The following GRID2 variants were observed in gnomAD, a reference collection of about 807,000 sequenced individuals.
GRID2 encodes glutamate ionotropic receptor delta type subunit 2, also known as glutamate receptor ionotropic, delta-2.
A neutral mutation model predicts 114.8 loss-of-function variants in GRID2; 33 were observed. The observed-to-expected ratio is 0.29, with a 90% CI of 0.22 to 0.38. The LOEUF (loss-of-function observed/expected upper bound fraction) is 0.38. Among genes scored for constraint, GRID2 ranks in the 10% least tolerant of loss-of-function variants. GRID2 has a pLI of 1.00. For missense variants in GRID2, 1,184 were observed against 1,257.7 expected, an observed-to-expected ratio of 0.94 and a Z score of 0.89; for synonymous variants, 505 against 449.9, an observed-to-expected ratio of 1.12 and a Z score of -1.55.
At chr4:92,963,679 A>G (rs1752960474) in intron 2 of GRID2, among the ~76,000 whole-genome samples, 1 of 151,968 alleles carries the variant, frequency 6.6e-6, no homozygotes, top group African/African-American at 2.4e-5. Context: ...ACTTCTGCTC[A>G]TGTTGATTAT....
At chr4:93,137,056 A>G (rs781645487) in intron 4 of GRID2, among the ~76,000 whole-genome samples, 3 of 152,198 alleles carry the variant, frequency 2.0e-5, no homozygotes, top group Non-Finnish European at 4.4e-5. Flanking sequence ...CAAAATATAT[A>G]ATTGTTTAAA....
At chr4:93,055,300 G>A (rs1200513904) in intron 2 of GRID2, among the ~76,000 whole-genome samples, 3 of 151,770 alleles carry the variant, frequency 2.0e-5, no homozygotes, top group Non-Finnish European at 4.4e-5. Flanking sequence ...TGATGAGGTT[G>A]CTAGGTTGAC....
At chr4:93,407,816 CCTCCTCCTT>C (rs1187491434) in intron 9 of GRID2, among the ~76,000 whole-genome samples, 5 of 129,684 alleles carry the variant, frequency 3.9e-5, no homozygotes, top group African/African-American at 1.7e-4. Context: ...TCCTCTTCCT[CCTCCTCCTT>C]CTCCTCCTCC....
At position 92,483,037 on chromosome 4, in the gene GRID2, G is replaced by C. The variant is rs558861969; in HGVS notation, c.89-107094G>C. On this transcript the variant is annotated intron_variant, in intron 1 of 15. Coordinates refer to ENST00000282020, the MANE Select transcript of GRID2 (RefSeq NM_001510.4). ...ACAAACTTGTTGTTCAACTGACATA[G>C]TTGGTCAAAAGTACAAGCTTGGCTG... Among the ~76,000 whole-genome samples, 9 of 152,194 alleles carry C rather than the reference G, an allele frequency of 5.9e-5. No homozygotes were observed. The South Asian group carries it at 1.9e-3, about 32-fold the overall frequency.
At chr4:93,013,907 G>T (rs996995913) in intron 2 of GRID2, among the ~76,000 whole-genome samples, 1 of 151,846 alleles carries the variant, frequency 6.6e-6, no homozygotes, top group African/African-American at 2.4e-5. Context: ...GAAAGAAGTG[G>T]AAGGGAGAAA....
chr4:93,683,536 A>T (rs1303241742), intron 14 of GRID2, among the ~76,000 whole-genome samples: 3 of 152,084 alleles, frequency 2.0e-5, no homozygotes, highest in Admixed American at 2.0e-4. Flanking sequence ...AGAGATTCTG[A>T]GTCGTAAAGT....
chr4:93,099,479 C>T (rs542355195), intron 3 of GRID2, among the ~76,000 whole-genome samples: 8 of 151,768 alleles, frequency 5.3e-5, no homozygotes, highest in African/African-American at 1.4e-4. Context: ...ATTTGTTAAA[C>T]TAATTTTGAA....
chr4:92,453,453 T>TATATGTATTCATATACATATATGC (rs1721052041), intron 1 of GRID2, among the ~76,000 whole-genome samples: 1 of 152,178 alleles, frequency 6.6e-6, no homozygotes, highest in African/African-American at 2.4e-5. Flanking sequence ...TTCACATATG[T>TATATGTATTCATATACATATATGC]ATATGTATTC....
intron 2 of GRID2, among the ~76,000 whole-genome samples, chr4:92,855,224 G>A (rs1247072153): frequency 6.6e-6 from 1 of 152,014 alleles, no homozygotes; most frequent in Non-Finnish European, 1.5e-5. Context: ...TTAATGAGCT[G>A]TGTCCTACTT....
In GRID2 at chr4:93,772,661, C is replaced by G. The variant is rs1425779534; in HGVS notation, c.*163C>G. The G allele has an allele frequency of 3.6e-6, 2 of 557,746 alleles. No homozygotes were observed. Among genetic ancestry groups the G allele is most frequent in the East Asian group, 2.9e-5 (1 of 34,430 alleles). 34.5% of individuals were successfully genotyped at this position (557,746 alleles called of 1,614,324 possible). On this transcript the variant is annotated 3_prime_UTR_variant, in exon 16 of 16. Transcript: ENST00000282020. ...CCACCTTCTCCCTCTCCTCTCTCCT[C>G]TATGATTTTCTCTCTTTCCCCCTCC...
chr4:93,292,069 A>G (rs17020337), intron 8 of GRID2, among the ~76,000 whole-genome samples: 7,631 of 152,290 alleles, frequency 0.05, 633 homozygotes, highest in African/African-American at 0.17. Flanking sequence ...CACTTATTCC[A>G]CAAGATGCTG....
intron 9 of GRID2, among the ~76,000 whole-genome samples, chr4:93,398,131 G>GTGTGTGTGTGTGTA (rs1270798969): frequency 1.5e-4 from 17 of 111,584 alleles, no homozygotes; most frequent in Middle Eastern, 4.3e-3. Context: ...GTATGTGTGT[G>GTGTGTGTGTGTGTA]TGTATATATA....
At chr4:93,072,523 T>C (rs982911335) in intron 2 of GRID2, among the ~76,000 whole-genome samples, 5 of 152,142 alleles carry the variant, frequency 3.3e-5, no homozygotes, top group Non-Finnish European at 5.9e-5. Context: ...TGAGTGGAAC[T>C]ATGGCTGCAG....
chr4:93,741,595 G>A (rs1450979437), intron 14 of GRID2, among the ~76,000 whole-genome samples: 1 of 152,050 alleles, frequency 6.6e-6, no homozygotes, highest in African/African-American at 2.4e-5. Flanking sequence ...TTTTTAACAA[G>A]CAAATTAAAC....
chr4:93,237,231 T>C (rs77120274), intron 7 of GRID2, among the ~76,000 whole-genome samples: 2,604 of 152,020 alleles, frequency 0.017, 74 homozygotes, highest in African/African-American at 0.059. Context: ...GATTAGGGAA[T>C]AATAGTAAAG....
chr4:93,591,134 A>G (rs1213262414), intron 13 of GRID2, among the ~76,000 whole-genome samples: 2 of 143,510 alleles, frequency 1.4e-5, no homozygotes, highest in East Asian at 2.1e-4. Flanking sequence ...GTCTTGTGCC[A>G]GTTTTCAAAG....
chr4:93,051,833 A>C (rs938563221), intron 2 of GRID2, among the ~76,000 whole-genome samples: 4 of 151,824 alleles, frequency 2.6e-5, no homozygotes, highest in African/African-American at 9.7e-5. Context: ...GTGGTCAGCA[A>C]TTTCTTTGCC....
chr4:92,392,257 T>G (rs920060810), intron 1 of GRID2, among the ~76,000 whole-genome samples: 1 of 152,078 alleles, frequency 6.6e-6, no homozygotes, highest in Non-Finnish European at 1.5e-5. Flanking sequence ...GTGCACCCCT[T>G]GAGAAGCATT....
rs527476093 is a variant in GRID2 at position 93,646,377 on chromosome 4, T to C, written c.2360+19942T>C. Among the ~76,000 whole-genome samples the C allele has an allele frequency of 5.7e-4, 86 of 152,184 alleles. 1 individual carries two copies. The South Asian group carries it at 0.012, about 21-fold the overall frequency. On this transcript the variant is annotated intron_variant, in intron 14 of 15. Coordinates refer to ENST00000282020, the MANE Select transcript of GRID2 (RefSeq NM_001510.4). ...AAGCAACAGATATAAAAGCCCTGCA[T>C]TGGGAACCAGCTGGGAGTGTTTAAG...
Sources: allele counts gnomAD v4.1 joint callset (sites outside exome capture counted in the v4.1 genomes callset), GRCh38; gene constraint gnomAD v4.1.1; transcripts MANE v1.5; gene names NCBI Gene and HGNC (gene_info 2026-07-23, HGNC 2026-07-21).